The following FAM178B variants were observed in gnomAD, a reference collection of about 807,000 sequenced individuals.
FAM178B encodes family with sequence similarity 178 member B.
A neutral mutation model predicts 91.7 loss-of-function variants in FAM178B; 82 were observed. The ratio of observed to expected loss-of-function variants is 0.89; its 90% CI spans 0.75 to 1.07. The LOEUF is 1.07. Ranked by LOEUF, FAM178B falls within the 50% of genes least tolerant of loss-of-function variation. The pLI is 0.00. For synonymous variants in FAM178B, 368 were observed against 359.4 expected, an observed-to-expected ratio of 1.02 and a Z score of -0.27; for missense variants, 769 against 846.7, an observed-to-expected ratio of 0.91 and a Z score of 1.14.
chr2:96,981,685 G>GTAT, intron 1 of FAM178B, among the ~76,000 whole-genome samples: 1 of 145,588 alleles, frequency 6.9e-6, no homozygotes, highest in African/African-American at 2.6e-5. Flanking sequence ...AGCTTGCAGT[G>GTAT]AGCCGAGATG....
In FAM178B at chr2:96,892,965, A is replaced by G. The variant is rs77412525; in HGVS notation, c.1776+961T>C. Reference sequence around the variant, plus strand: ...CATAAACGCACTAATATTAGGCACAACTGAAAGACAACCTTCCCCACATGT... The same window carrying G: ...CATAAACGCACTAATATTAGGCACAGCTGAAAGACAACCTTCCCCACATGT... On this transcript the variant is annotated intron_variant, in intron 14 of 16. Transcript: ENST00000490605. Among the ~76,000 whole-genome samples the G allele has an allele frequency of 3.0e-3, 462 of 152,324 alleles. 1 individual carries two copies. The highest frequency in any genetic ancestry group is 0.017 in the Middle Eastern group (5 of 294).
chr2:96,970,797 G>T lies in FAM178B; in HGVS notation c.565-20C>A. 1 of 1,524,352 alleles carries T rather than the reference G, an allele frequency of 6.6e-7. No individual in the cohort carries two copies. The highest frequency in any genetic ancestry group is 8.9e-7 in the Non-Finnish European group (1 of 1,122,180). 94.4% of individuals were successfully genotyped at this position (1,524,352 alleles called of 1,614,324 possible). A position where few individuals can be genotyped will look rare whatever the true frequency, so the allele number is the denominator to read the frequency against. On this transcript the variant is annotated intron_variant, in intron 3 of 16. Coordinates refer to ENST00000490605, the MANE Select transcript of FAM178B (RefSeq NM_001122646.3). ...GGAAAACTGGAGAAACAGGACATGG[G>T]AATGAGGACGACAGAGAAGTACAAA... is the stretch of plus-strand genomic sequence containing the variant.
intron 1 of FAM178B, among the ~76,000 whole-genome samples, chr2:96,980,029 TGTTTGCCATTCTAGTCAGC>T (rs1376741122): frequency 1.3e-5 from 2 of 152,096 alleles, no homozygotes; most frequent in African/African-American, 4.8e-5. Flanking sequence ...GTATCTTAAA[TGTTTGCCATTCTAGTCAGC>T]GTGTAATGGT....
intron 6 of FAM178B, among the ~76,000 whole-genome samples, chr2:96,953,052 G>C (rs948353148): frequency 6.6e-6 from 1 of 152,174 alleles, no homozygotes; most frequent in African/African-American, 2.4e-5. Flanking sequence ...AGAATGTCCA[G>C]GCAGTTTACA....
intron 5 of FAM178B, among the ~76,000 whole-genome samples, 185 bp downstream of exon 5, chr2:96,967,335 T>C (rs1418954340): frequency 1.3e-5 from 2 of 152,222 alleles, no homozygotes; most frequent in Non-Finnish European, 2.9e-5. Context: ...TGATGCACAG[T>C]AGGTGATCAG....
intron 12 of FAM178B, among the ~76,000 whole-genome samples, chr2:96,907,578 T>C (rs1264739798): frequency 6.6e-6 from 1 of 152,092 alleles, no homozygotes; most frequent in Non-Finnish European, 1.5e-5. Context: ...CTCCGCCCTG[T>C]CCCCCTCCAC....
chr2:96,967,327 ATGCACAGTAGG>A (rs1321590926), intron 5 of FAM178B, among the ~76,000 whole-genome samples, 182 bp downstream of exon 5: 1 of 152,244 alleles, frequency 6.6e-6, no homozygotes, highest in African/African-American at 2.4e-5. Flanking sequence ...TGAGACCCTG[ATGCACAGTAGG>A]TGATCAGATC....
intron 8 of FAM178B, among the ~76,000 whole-genome samples, chr2:96,930,462 T>C (rs1484522709): frequency 2.0e-5 from 3 of 152,294 alleles, no homozygotes; most frequent in African/African-American, 7.2e-5. Context: ...ACAGAGCCTA[T>C]GTTTCCACTC....
intron 13 of FAM178B, among the ~76,000 whole-genome samples, chr2:96,895,381 C>G (rs919276418): frequency 2.0e-5 from 3 of 152,238 alleles, no homozygotes; most frequent in African/African-American, 7.2e-5. Context: ...CTGCTTTTGG[C>G]TGACTATGGC....
intron 1 of FAM178B, among the ~76,000 whole-genome samples, chr2:96,985,920 G>C (rs149635495): frequency 2.4e-4 from 37 of 152,302 alleles, no homozygotes; most frequent in East Asian, 1.9e-3. Context: ...GAAAACACCA[G>C]CTACCCTTTG....
Position 96,967,593 on chromosome 2 carries a change from G to A in FAM178B, c.661C>T (p.Leu221Phe). The A allele has an allele frequency of 6.4e-7, 1 of 1,550,440 alleles. No homozygotes were observed. Among genetic ancestry groups the A allele is most frequent in the Non-Finnish European group, 8.7e-7 (1 of 1,146,914 alleles). Residue 221 changes from leucine to phenylalanine, a missense_variant, in exon 5 of 17, where the codon CTT becomes TTT. By Grantham distance (22) the Leu-to-Phe change is conservative. Coordinates refer to ENST00000490605, the MANE Select transcript of FAM178B (RefSeq NM_001122646.3). ...TTGAGATTGAGACACTCCTGCAGAA[G>A]CAGCCTCTCTCGCTCCTGCTCCAGG... ...QALEQERERLLLQECLNLNSL... is the reference protein window; with the variant it reads ...QALEQERERLFLQECLNLNSL...
chr2:96,899,408 A>G (rs776670095), intron 13 of FAM178B, among the ~76,000 whole-genome samples: 7 of 152,062 alleles, frequency 4.6e-5, no homozygotes, highest in Non-Finnish European at 8.8e-5. Context: ...TTGCTCAGCT[A>G]GTGTCTAATA....
chr2:96,926,386 C>A (rs57397886), intron 9 of FAM178B, among the ~76,000 whole-genome samples: 13,665 of 152,220 alleles, frequency 0.09, 1,173 homozygotes, highest in African/African-American at 0.23. Flanking sequence ...AGCGGCCAGG[C>A]CTGCGCATCA....
At position 96,927,186 on chromosome 2, in the gene FAM178B, T is replaced by C. The variant is rs138146681; in HGVS notation, c.1193+2020A>G. Among the ~76,000 whole-genome samples, 538 of 152,260 alleles carry C rather than the reference T, an allele frequency of 3.5e-3. 1 individual carries two copies. Among genetic ancestry groups the C allele is most frequent in the African/African-American group, 0.012 (495 of 41,534 alleles). On this transcript the variant is annotated intron_variant, in intron 9 of 16. Transcript: ENST00000490605. ...ATACTCCGGAGGGGTCACCCTCCAA[T>C]CCATGACACAACGCAGCAGCCCAGG...
chr2:96,900,396 G>A (rs1342591080), intron 13 of FAM178B, among the ~76,000 whole-genome samples: 1 of 152,130 alleles, frequency 6.6e-6, no homozygotes, highest in African/African-American at 2.4e-5. Context: ...CTGGGTGCCT[G>A]TCCCTTCCAC....
chr2:96,962,043 C>A (rs965748717), intron 5 of FAM178B, among the ~76,000 whole-genome samples: 9 of 152,084 alleles, frequency 5.9e-5, no homozygotes, highest in African/African-American at 2.2e-4. Context: ...AGGCCAGGTG[C>A]GGTGGCTCAG....
At chr2:96,905,830 A>ATATATATG (rs1553498329) in intron 12 of FAM178B, among the ~76,000 whole-genome samples, 12 of 20,430 alleles carry the variant, frequency 5.9e-4, no homozygotes, top group African/African-American at 2.0e-3. Context: ...ATATATATAT[A>ATATATATG]TATATATATA....
intron 6 of FAM178B, 51 bp downstream of exon 6, chr2:96,960,236 AG>A (rs969810000): frequency 2.6e-6 from 4 of 1,538,008 alleles, no homozygotes; most frequent in African/African-American, 2.8e-5. Flanking sequence ...TCCAGGAGGG[AG>A]GGGTCCTGGA....
At chr2:96,915,211 A>G (rs185635084) in intron 12 of FAM178B, among the ~76,000 whole-genome samples, 1,667 of 151,950 alleles carry the variant, frequency 0.011, 13 homozygotes, top group Admixed American at 0.018. Flanking sequence ...CCGGGTTCAA[A>G]TGATTCTCCT....
Sources: allele counts gnomAD v4.1 joint callset (sites outside exome capture counted in the v4.1 genomes callset), GRCh38; gene constraint gnomAD v4.1.1; transcripts MANE v1.5; gene names NCBI Gene and HGNC (gene_info 2026-07-23, HGNC 2026-07-21).